USP48: variants seen among roughly 807,000 people sequenced by gnomAD.
USP48 encodes ubiquitin carboxyl-terminal hydrolase 48.
A neutral mutation model predicts 150.7 loss-of-function variants in USP48; 43 were observed. The ratio of observed to expected loss-of-function variants is 0.29; its 90% CI spans 0.22 to 0.37. The LOEUF is 0.37. Ranked by LOEUF, USP48 falls within the 10% of genes least tolerant of loss-of-function variation. USP48 has a pLI of 1.00. For synonymous variants in USP48, 396 were observed against 425.9 expected, an observed-to-expected ratio of 0.93 and a Z score of 0.86; for missense variants, 813 against 1,249.6, an observed-to-expected ratio of 0.65 and a Z score of 5.27.
chr1:21,780,738 ATTTTTTTT>A (rs34071636), intron 1 of USP48, among the ~76,000 whole-genome samples: 2 of 117,452 alleles, frequency 1.7e-5, no homozygotes, highest in South Asian at 3.0e-4. Context: ...AGATAAGATA[ATTTTTTTT>A]TTTTTTTTTT....
At chr1:21,781,029 C>T (rs538777392) in intron 1 of USP48, among the ~76,000 whole-genome samples, 20 of 150,416 alleles carry the variant, frequency 1.3e-4, no homozygotes, top group Admixed American at 6.6e-4. Flanking sequence ...CATGAGCCAC[C>T]GCACCCGGCC....
chr1:21,739,518 C>CAAAAAA (rs61410306), intron 8 of USP48, among the ~76,000 whole-genome samples: 3 of 66,292 alleles, frequency 4.5e-5, no homozygotes, highest in African/African-American at 1.3e-4. Context: ...GACTCCGTCT[C>CAAAAAA]AAAAAAAAAA....
At chr1:21,755,230 A>G (rs115398516) in intron 3 of USP48, among the ~76,000 whole-genome samples, 1,593 of 152,244 alleles carry the variant, frequency 0.01, 14 homozygotes, top group Non-Finnish European at 0.017. Flanking sequence ...AAGATAAAAT[A>G]TTACTCCTTG....
intron 5 of USP48, among the ~76,000 whole-genome samples, chr1:21,751,975 G>A (rs1432354204): frequency 1.4e-5 from 2 of 141,432 alleles, no homozygotes; most frequent in Non-Finnish European, 3.0e-5. Flanking sequence ...CCAAGATCAC[G>A]CCACTGCACT....
intron 14 of USP48, among the ~76,000 whole-genome samples, chr1:21,718,405 C>G (rs2097710683): frequency 6.6e-6 from 1 of 152,114 alleles, no homozygotes; most frequent in Non-Finnish European, 1.5e-5. Flanking sequence ...CTGCTTGAAG[C>G]TTTTGAAATG....
intron 1 of USP48, among the ~76,000 whole-genome samples, chr1:21,763,756 G>A (rs112324305): frequency 0.076 from 11,610 of 151,904 alleles, 503 homozygotes; most frequent in Middle Eastern, 0.11. Context: ...CAGAGGGTGC[G>A]GTGAGCCGAG....
At chr1:21,680,982 T>C in intron 25 of USP48, 148 bp from the exon 26 acceptor site, 1 of 612,498 alleles carries the variant, frequency 1.6e-6, no homozygotes, top group South Asian at 2.2e-5. Context: ...TTACGGATGT[T>C]ACTAATTTCA....
rs1430777425 is a variant in USP48 at position 21,783,063 on chromosome 1, G to A, written c.-106C>T. 10 of 1,384,516 alleles carry A rather than the reference G, an allele frequency of 7.2e-6. No homozygotes were observed. Among genetic ancestry groups the A allele is most frequent in the East Asian group, 3.0e-5 (1 of 33,604 alleles). The allele number at this position is 1,384,516 out of a possible 1,614,324, so 85.8% of individuals were successfully genotyped here. A position where few individuals can be genotyped will look rare whatever the true frequency, so the allele number is the denominator to read the frequency against. On this transcript the variant is annotated 5_prime_UTR_variant, in exon 1 of 27. Coordinates refer to ENST00000308271, the MANE Select transcript of USP48 (RefSeq NM_032236.8). ...GCCACCTGCCAGCAAGGAGGACCTG[G>A]CGCTCCTTCAGGCAGCTGGCCAGTC...
At chr1:21,688,867 A>AGC (rs2097587889) in intron 24 of USP48, among the ~76,000 whole-genome samples, 3 of 146,620 alleles carry the variant, frequency 2.0e-5, no homozygotes, top group Admixed American at 2.0e-4. Flanking sequence ...AAAAAAGAAG[A>AGC]AGCCCCTACT....
chr1:21,703,176 T>C (rs1186956322), intron 21 of USP48, among the ~76,000 whole-genome samples: 1 of 152,234 alleles, frequency 6.6e-6, no homozygotes, highest in Non-Finnish European at 1.5e-5. Flanking sequence ...TATGAATTTA[T>C]ACTTTATTCC....
intron 1 of USP48, among the ~76,000 whole-genome samples, chr1:21,763,475 TTG>T (rs897897372): frequency 5.3e-5 from 8 of 151,494 alleles, no homozygotes; most frequent in Non-Finnish European, 1.2e-4. Context: ...GGGGGCGGGG[TTG>T]TGTTTGTTCT....
intron 1 of USP48, among the ~76,000 whole-genome samples, chr1:21,771,840 C>A (rs2097881664): frequency 6.6e-6 from 1 of 151,666 alleles, no homozygotes; most frequent in Admixed American, 6.6e-5. Flanking sequence ...ATCGCTTGAA[C>A]CCAGGAGGTG....
chr1:21,715,984 T>C (rs1290267540), intron 14 of USP48, among the ~76,000 whole-genome samples: 1 of 152,218 alleles, frequency 6.6e-6, no homozygotes, highest in East Asian at 1.9e-4. Context: ...CATTGGCACA[T>C]TTCTGTTCAT....
At chr1:21,685,850 C>CCA (rs2097579166) in intron 25 of USP48, 9 of 145,792 alleles carry the variant, frequency 6.2e-5, no homozygotes, top group Admixed American at 3.3e-4. Flanking sequence ...GGCATGGTGG[C>CCA]TCATGCCTGT....
At chr1:21,710,815 T>C (rs999837763) in intron 15 of USP48, among the ~76,000 whole-genome samples, 2 of 148,564 alleles carry the variant, frequency 1.3e-5, no homozygotes, top group Non-Finnish European at 3.0e-5. Context: ...AAAAAAAAAC[T>C]TTTATTTTTA....
At chr1:21,737,564 A>G (rs2097771373) in intron 8 of USP48, among the ~76,000 whole-genome samples, 1 of 152,242 alleles carries the variant, frequency 6.6e-6, no homozygotes, top group Non-Finnish European at 1.5e-5. Context: ...AACATCTTGT[A>G]AAGATCCTCA....
intron 11 of USP48, among the ~76,000 whole-genome samples, chr1:21,727,526 A>C (rs1176935752): frequency 6.6e-6 from 1 of 152,232 alleles, no homozygotes; most frequent in Non-Finnish European, 1.5e-5. Flanking sequence ...TCTCTTGCCC[A>C]GTGGACACAG....
intron 11 of USP48, 33 bp from the exon 12 acceptor site, chr1:21,724,128 A>G: frequency 2.5e-6 from 4 of 1,603,282 alleles, no homozygotes; most frequent in Non-Finnish European, 3.4e-6. Flanking sequence ...GAGCCTATGT[A>G]TTTTTACAGT....
intron 22 of USP48, 136 bp from the exon 23 acceptor site, chr1:21,695,357 G>C: frequency 1.1e-6 from 1 of 937,974 alleles, no homozygotes; most frequent in South Asian, 2.0e-5. Flanking sequence ...TAAACAATGA[G>C]TAGAAACTAA....
Sources: gnomAD v4.1 joint callset for allele counts (sites outside exome capture counted in the v4.1 genomes callset) on GRCh38, gnomAD v4.1.1 for gene constraint, MANE v1.5 for transcripts, NCBI Gene and HGNC (gene_info 2026-07-23, HGNC 2026-07-21) for gene names.